ABCC4: variants seen among roughly 807,000 people sequenced by gnomAD.
ABCC4 encodes ATP-binding cassette sub-family C member 4.
Under a neutral mutation model 168.5 loss-of-function variants are expected in ABCC4, and 102 were observed. The ratio of observed to expected loss-of-function variants is 0.61; its 90% CI spans 0.52 to 0.71. The LOEUF (loss-of-function observed/expected upper bound fraction) is 0.71, where lower values mean the gene tolerates loss of function less well. Ranked by LOEUF, ABCC4 falls within the 30% of genes least tolerant of loss-of-function variation. ABCC4 has a pLI of 0.00. For synonymous variants in ABCC4, 617 were observed against 590.7 expected (o/e 1.04, Z -0.65); for missense variants, 1,402 against 1,605.8 (o/e 0.87, Z 2.17).
At chr13:95,241,490 G>A (rs2039942905) in intron 3 of ABCC4, among the ~76,000 whole-genome samples, 1 of 152,016 alleles carries the variant, frequency 6.6e-6, no homozygotes, top group South Asian at 2.1e-4. Context: ...TCCTGGTTTG[G>A]CCCACACAGA....
At chr13:95,158,207 C>T (rs2036943448) in intron 19 of ABCC4, among the ~76,000 whole-genome samples, 1 of 152,082 alleles carries the variant, frequency 6.6e-6, no homozygotes, top group Non-Finnish European at 1.5e-5. Context: ...GGGACCCTTC[C>T]AGAAGGTCTG....
chr13:95,020,221 A>T lies in ABCC4; in HGVS notation c.*1354T>A, dbSNP rs2031016547. ...AAACATCTGTTGCTCTCTGCTGATG[A>T]GCAAAAAACTTGCTATACGAAGGAC... On this transcript the variant is annotated 3_prime_UTR_variant, in exon 31 of 31. Coordinates refer to ENST00000645237, the MANE Select transcript of ABCC4 (RefSeq NM_005845.5). 6.6e-6 allele frequency: 1 copy of T among 152,222 alleles called. No individual in the cohort carries two copies. The highest frequency in any genetic ancestry group is 2.1e-4 in the South Asian group (1 of 4,828). 9.4% of individuals were successfully genotyped at this position (152,222 alleles called of 1,614,324 possible).
rs371509143 is a variant in ABCC4, at chr13:95,074,850, G to T, written c.2807-526C>A. ...ACTTCTTTTTTCCTTTTAGCATGTG[G>T]TTTTTAAAGTGCCATTTAATCAGCA... On this transcript the variant is annotated intron_variant, in intron 22 of 30. Transcript: ENST00000645237. Among the ~76,000 whole-genome samples the T allele has an allele frequency of 4.6e-5, 7 of 152,230 alleles. No individual in the cohort carries two copies. The East Asian group carries it at 1.2e-3, about 25-fold the overall frequency.
intron 29 of ABCC4, among the ~76,000 whole-genome samples, chr13:95,035,786 G>A (rs1056846801): frequency 6.6e-6 from 1 of 152,106 alleles, no homozygotes; most frequent in Non-Finnish European, 1.5e-5. Flanking sequence ...CAGTTCTGAG[G>A]TTAAGTGGCA....
intron 12 of ABCC4, 76 bp from the exon 13 acceptor site, chr13:95,177,869 T>C: frequency 2.0e-6 from 3 of 1,513,906 alleles, no homozygotes; most frequent in East Asian, 2.3e-5. Context: ...TTCATTCAAA[T>C]GCCAACAGAA....
At position 95,206,566 on chromosome 13, in the gene ABCC4, A is replaced by G; in HGVS notation, c.1127T>C (p.Val376Ala). ...TLFFPSAIERVSEAIVSIRRI... is the reference protein window; with the variant it reads ...TLFFPSAIERASEAIVSIRRI... ...TCGGATGCTGACGATTGCCTCTGAC[A>G]CCCTCTCAATGGCTGAGGGGAAGAA... Residue 376 changes from valine (V) to alanine (A), a missense_variant, in exon 8 of 31, where the codon GTG becomes GCG. Physicochemically the swap from Val to Ala is moderately conservative, Grantham distance 64. Coordinates refer to ENST00000645237, the MANE Select transcript of ABCC4 (RefSeq NM_005845.5). The G allele has an allele frequency of 6.2e-7, 1 of 1,613,996 alleles. No individual in the cohort carries two copies. Among genetic ancestry groups the G allele is most frequent in the Non-Finnish European group, 8.5e-7 (1 of 1,179,978 alleles).
chr13:95,076,266 A>G (rs1751043), intron 21 of ABCC4, among the ~76,000 whole-genome samples: 142,227 of 152,216 alleles, frequency 0.93, 66,550 homozygotes, highest in Non-Finnish European at 0.96. Flanking sequence ...GGAACCGGAC[A>G]GATGTTTTTA....
At position 95,021,378 on chromosome 13, in the gene ABCC4, T is replaced by C. The variant is rs2031077078; in HGVS notation, c.*197A>G. The C allele has an allele frequency of 3.9e-6, 2 of 519,026 alleles. No individual in the cohort carries two copies. The highest frequency in any genetic ancestry group is 1.9e-5 in the African/African-American group (1 of 51,446). The allele number at this position is 519,026 out of a possible 1,614,324, so 32.2% of individuals were successfully genotyped here. A position where few individuals can be genotyped will look rare whatever the true frequency, so the allele number is the denominator to read the frequency against. On this transcript the variant is annotated 3_prime_UTR_variant, in exon 31 of 31. Coordinates refer to ENST00000645237, the MANE Select transcript of ABCC4 (RefSeq NM_005845.5). The stretch of plus-strand genomic sequence containing the variant: ...TCTGATTTGGATTTTAAAAAACAAC[T>C]ATTGACATTTAAATAAAAATAAACC...
chr13:95,251,063 C>T (rs1032499327), intron 1 of ABCC4, among the ~76,000 whole-genome samples: 6 of 152,152 alleles, frequency 3.9e-5, no homozygotes, highest in African/African-American at 9.7e-5. Context: ...TCTGGGATTA[C>T]AGGCATGAGC....
intron 8 of ABCC4, among the ~76,000 whole-genome samples, chr13:95,195,379 G>A (rs540596161): frequency 1.3e-5 from 2 of 152,258 alleles, no homozygotes; most frequent in East Asian, 1.9e-4. Flanking sequence ...TGAAAGTCAA[G>A]GCCATTCCCA....
intron 1 of ABCC4, among the ~76,000 whole-genome samples, chr13:95,264,436 G>A (rs574751044): frequency 3.3e-5 from 5 of 152,276 alleles, no homozygotes; most frequent in East Asian, 1.9e-4. Context: ...ACAGGGAAAC[G>A]TGGCAGACAA....
chr13:95,037,099 A>AC (rs1438276303), intron 29 of ABCC4, among the ~76,000 whole-genome samples: 3 of 151,216 alleles, frequency 2.0e-5, no homozygotes, highest in South Asian at 2.1e-4. Context: ...AAAAAAAAAA[A>AC]AAACCCCAAA....
intron 19 of ABCC4, among the ~76,000 whole-genome samples, chr13:95,147,273 G>A (rs934028493): frequency 1.3e-5 from 2 of 152,086 alleles, no homozygotes; most frequent in Non-Finnish European, 2.9e-5. Flanking sequence ...CATTTTAATT[G>A]TTAGTTTATT....
intron 4 of ABCC4, among the ~76,000 whole-genome samples, chr13:95,221,745 G>GA (rs1174170289): frequency 6.0e-5 from 9 of 150,286 alleles, no homozygotes; most frequent in Non-Finnish European, 1.2e-4. Context: ...TTAGAAGATA[G>GA]AAAAAAGGAA....
chr13:95,158,071 CAAAAAAAAA>C (rs35037278), intron 19 of ABCC4, among the ~76,000 whole-genome samples: 1 of 84,680 alleles, frequency 1.2e-5, no homozygotes. Context: ...GACTCCGTCT[CAAAAAAAAA>C]AAAAAAAAAG....
Position 95,161,315 on chromosome 13 carries a change from G to A in ABCC4, c.2329C>T (p.Leu777Phe), listed in dbSNP as rs1183487881. Residue 777 changes from leucine (L) to phenylalanine (F), a missense_variant, in exon 19 of 31, where the codon CTT becomes TTT. Leu to Phe is a conservative substitution (Grantham distance 22). Transcript: ENST00000645237. ...IYSGLTVATV[L>F]FGIARSLLVF... ...AATAGAGATCTTGCTATGCCAAAAA[G>A]AACGGTAGCTACAGTTAAACCTGAA... 1.3e-6 allele frequency: 2 copies of A among 1,590,554 alleles called. No homozygotes were observed. The highest frequency in any genetic ancestry group is 1.2e-5 in the South Asian group (1 of 86,098).
At chr13:95,191,773 T>A (rs962329821) in intron 9 of ABCC4, among the ~76,000 whole-genome samples, 1 of 152,160 alleles carries the variant, frequency 6.6e-6, no homozygotes, top group African/African-American at 2.4e-5. Flanking sequence ...GTGTGTCTCT[T>A]TCCTAACAAC....
intron 1 of ABCC4, among the ~76,000 whole-genome samples, chr13:95,275,167 C>A (rs530376366): frequency 6.6e-6 from 1 of 152,320 alleles, no homozygotes; most frequent in Admixed American, 6.5e-5. Context: ...CCCAGGCCTA[C>A]ATCACCCTAT....
chr13:95,091,467 C>T (rs1159427936), intron 20 of ABCC4, among the ~76,000 whole-genome samples: 1 of 152,174 alleles, frequency 6.6e-6, no homozygotes, highest in Admixed American at 6.5e-5. Flanking sequence ...ACCCTATAAG[C>T]TAGAAGGGAT....
Sources: gnomAD v4.1 joint callset for allele counts (sites outside exome capture counted in the v4.1 genomes callset) on GRCh38, gnomAD v4.1.1 for gene constraint, MANE v1.5 for transcripts, NCBI Gene and HGNC (gene_info 2026-07-23, HGNC 2026-07-21) for gene names.